TNFAIP8: variants seen among roughly 807,000 people sequenced by gnomAD.
TNFAIP8 encodes the protein tumor necrosis factor alpha-induced protein 8.
Under a neutral mutation model 13.3 loss-of-function variants are expected in TNFAIP8, and 7 were observed. That is an observed-to-expected ratio of 0.52 (90% CI 0.30 to 0.99). The LOEUF (loss-of-function observed/expected upper bound fraction) is 0.99. TNFAIP8 is among the 50% of genes least tolerant of loss of function. TNFAIP8 has a pLI of 0.07. For missense variants in TNFAIP8, 258 were observed against 236.9 expected, an observed-to-expected ratio of 1.09 and a Z score of -0.58; for synonymous variants, 94 against 87.6, an observed-to-expected ratio of 1.07 and a Z score of -0.41.
At chr5:119,375,890 C>G (rs945697675) in intron 1 of TNFAIP8, among the ~76,000 whole-genome samples, 1 of 151,952 alleles carries the variant, frequency 6.6e-6, no homozygotes, top group African/African-American at 2.4e-5. Flanking sequence ...TGACTTAAAC[C>G]TAAAGAATAT....
chr5:119,393,557 A>T lies in TNFAIP8; in HGVS notation c.*176A>T, dbSNP rs905210402. ...AGGCTTGTTTTATTTGAAGAAAAGC[A>T]TATTGCCAAAAATTCTGGTTAAAAG... On this transcript the variant is annotated 3_prime_UTR_variant, in exon 2 of 2. Coordinates refer to ENST00000504771, the MANE Select transcript of TNFAIP8 (RefSeq NM_014350.4). The T allele has an allele frequency of 2.5e-5, 18 of 721,034 alleles. No individual in the cohort carries two copies. The highest frequency in any genetic ancestry group is 9.2e-5 in the Admixed American group (3 of 32,544). 44.7% of individuals were successfully genotyped at this position (721,034 alleles called of 1,614,324 possible).
At position 119,394,076 on chromosome 5, in the gene TNFAIP8, C is replaced by T. The variant is rs1753004636; in HGVS notation, c.*695C>T. 1 of 152,176 alleles carries T rather than the reference C, an allele frequency of 6.6e-6. No individual in the cohort carries two copies. The allele number at this position is 152,176 out of a possible 1,614,324, so 9.4% of individuals were successfully genotyped here. On this transcript the variant is annotated 3_prime_UTR_variant, in exon 2 of 2. Coordinates refer to ENST00000504771, the MANE Select transcript of TNFAIP8 (RefSeq NM_014350.4). ...ATTTCTCAGAAATGTAATGGTGTGT[C>T]ATTGCCTTGAAATGCTTGCTTAGGG...
chr5:119,300,158 C>G (rs1441740335), intron 1 of TNFAIP8, among the ~76,000 whole-genome samples: 1 of 152,244 alleles, frequency 6.6e-6, no homozygotes, highest in Non-Finnish European at 1.5e-5. Flanking sequence ...TGAGATGAAC[C>G]TGGTACCTCA....
At chr5:119,320,904 GAAAAACAAAAAACT>G (rs1333540613) in intron 1 of TNFAIP8, among the ~76,000 whole-genome samples, 26 of 150,306 alleles carry the variant, frequency 1.7e-4, no homozygotes, top group African/African-American at 6.3e-4. Context: ...AACAAAAAAC[GAAAAACAAAAAACT>G]AAAAAAGACT....
chr5:119,364,475 G>A (rs1330285540), intron 1 of TNFAIP8, among the ~76,000 whole-genome samples: 1 of 152,020 alleles, frequency 6.6e-6, no homozygotes, highest in East Asian at 1.9e-4. Flanking sequence ...ACCCTGCCAA[G>A]TAGCTGGGAC....
intron 1 of TNFAIP8, among the ~76,000 whole-genome samples, chr5:119,330,606 A>T (rs984489107): frequency 6.6e-6 from 1 of 151,894 alleles, no homozygotes; most frequent in Middle Eastern, 3.2e-3. Flanking sequence ...CTGCTCTGAC[A>T]CTCGCTTTGG....
intron 1 of TNFAIP8, among the ~76,000 whole-genome samples, chr5:119,362,659 A>G (rs1413485019): frequency 6.6e-6 from 1 of 151,978 alleles, no homozygotes; most frequent in Non-Finnish European, 1.5e-5. Context: ...AATTAGGCAC[A>G]GTGGAATGCA....
chr5:119,288,624 G>A (rs1372801082), intron 1 of TNFAIP8, among the ~76,000 whole-genome samples: 1 of 152,200 alleles, frequency 6.6e-6, no homozygotes, highest in Non-Finnish European at 1.5e-5. Context: ...CAACAGGCTT[G>A]TATAACTAAC....
intron 1 of TNFAIP8, among the ~76,000 whole-genome samples, chr5:119,329,523 A>G (rs753592059): frequency 9.2e-5 from 14 of 151,740 alleles, no homozygotes; most frequent in East Asian, 1.9e-4. Context: ...TGTTCTTCCT[A>G]TTTTCCACAC....
intron 1 of TNFAIP8, among the ~76,000 whole-genome samples, chr5:119,310,698 G>A (rs6884614): frequency 0.77 from 116,805 of 152,058 alleles, 46,605 homozygotes; most frequent in East Asian, 0.95. Context: ...GTGGTGGCAC[G>A]TGCCTGTAAT....
At chr5:119,297,590 A>G (rs1364211345) in intron 1 of TNFAIP8, among the ~76,000 whole-genome samples, 7 of 152,258 alleles carry the variant, frequency 4.6e-5, no homozygotes, top group East Asian at 3.9e-4. Context: ...CTGTTGATTC[A>G]GGGTGGAGAG....
intron 1 of TNFAIP8, among the ~76,000 whole-genome samples, chr5:119,345,099 T>G (rs561931012): frequency 3.9e-5 from 6 of 152,210 alleles, no homozygotes; most frequent in Admixed American, 2.0e-4. Context: ...TCCAAACAAC[T>G]TAGTATTTCT....
chr5:119,359,983 A>G (rs1216749114), intron 1 of TNFAIP8, among the ~76,000 whole-genome samples: 1 of 152,230 alleles, frequency 6.6e-6, no homozygotes, highest in Non-Finnish European at 1.5e-5. Context: ...TTAGAGATCT[A>G]TCATACTCTC....
intron 1 of TNFAIP8, among the ~76,000 whole-genome samples, chr5:119,384,134 T>G (rs1295379279): frequency 2.0e-5 from 3 of 152,206 alleles, no homozygotes; most frequent in Non-Finnish European, 4.4e-5. Context: ...CTCAGTCACC[T>G]CATTTCTAAA....
intron 1 of TNFAIP8, among the ~76,000 whole-genome samples, chr5:119,290,612 A>G (rs1748952589): frequency 6.6e-6 from 1 of 152,240 alleles, no homozygotes; most frequent in Non-Finnish European, 1.5e-5. Flanking sequence ...TACACAGGTC[A>G]TATGGGAGGG....
chr5:119,326,029 T>C (rs918595976), intron 1 of TNFAIP8, among the ~76,000 whole-genome samples: 2 of 152,214 alleles, frequency 1.3e-5, no homozygotes, highest in Non-Finnish European at 2.9e-5. Flanking sequence ...CTGCTGCCGC[T>C]TTTTCCCACT....
intron 1 of TNFAIP8, among the ~76,000 whole-genome samples, chr5:119,389,056 G>A (rs1221427419): frequency 1.3e-5 from 2 of 152,122 alleles, no homozygotes; most frequent in Admixed American, 1.3e-4. Context: ...AGAATTCAGA[G>A]AAATGCAGGA....
chr5:119,293,704 A>G (rs572886961), intron 1 of TNFAIP8, among the ~76,000 whole-genome samples: 7 of 152,314 alleles, frequency 4.6e-5, no homozygotes, highest in African/African-American at 1.7e-4. Context: ...CAATAAGGCT[A>G]TGGGGAAAAA....
At chr5:119,332,724 A>G (rs1001338991) in intron 1 of TNFAIP8, among the ~76,000 whole-genome samples, 1 of 152,220 alleles carries the variant, frequency 6.6e-6, no homozygotes, top group South Asian at 2.1e-4. Context: ...CTTGAATCTT[A>G]CTTGGGGGAG....
Sources: gnomAD v4.1 joint callset for allele counts (sites outside exome capture counted in the v4.1 genomes callset) on GRCh38, gnomAD v4.1.1 for gene constraint, MANE v1.5 for transcripts, NCBI Gene and HGNC (gene_info 2026-07-23, HGNC 2026-07-21) for gene names.